The following CD3E variants were observed in gnomAD, a reference collection of about 807,000 sequenced individuals.
The protein encoded by CD3E is T-cell surface glycoprotein CD3 epsilon chain.
CD3E carries 16 observed loss-of-function variants against 34.7 expected under a neutral mutation model. The observed-to-expected ratio is 0.46, with a 90% CI of 0.31 to 0.70. CD3E has a LOEUF of 0.70. Among genes scored for constraint, CD3E ranks in the 30% least tolerant of loss-of-function variants. CD3E has a pLI of 0.05. For missense variants in CD3E, 223 were observed against 253.9 expected, an observed-to-expected ratio of 0.88 and a Z score of 0.83; for synonymous variants, 70 against 90.8, an observed-to-expected ratio of 0.77 and a Z score of 1.30.
chr11:118,314,321 G>T, intron 7 of CD3E, 127 bp from the exon 8 acceptor site: 1 of 775,940 alleles, frequency 1.3e-6, no homozygotes. Context: ...CGTCTGAACA[G>T]AAAAGGGAGC....
chr11:118,305,195 CG>C (rs1276927540), intron 2 of CD3E, among the ~76,000 whole-genome samples, 194 bp downstream of exon 2: 1 of 152,188 alleles, frequency 6.6e-6, no homozygotes, highest in Non-Finnish European at 1.5e-5. Flanking sequence ...GGAGAGCGTT[CG>C]GGGAGCAGGC....
chr11:118,311,879 G>A (rs1418969465), intron 4 of CD3E, among the ~76,000 whole-genome samples: 1 of 152,182 alleles, frequency 6.6e-6, no homozygotes, highest in Non-Finnish European at 1.5e-5. Flanking sequence ...GGCTTTCTGA[G>A]CTTCAGTAGA....
chr11:118,314,874 T>C (rs1948156978), intron 8 of CD3E, among the ~76,000 whole-genome samples: 1 of 151,878 alleles, frequency 6.6e-6, no homozygotes, highest in Non-Finnish European at 1.5e-5. Flanking sequence ...ATATAAATAT[T>C]ATATAAAAGT....
Position 118,307,301 on chromosome 11 carries a change from G to T in CD3E, c.63G>T (p.Gly21=), listed in dbSNP as rs200268620. Residue 21 remains glycine (G), a synonymous_variant, in exon 3 of 9, where the codon GGG becomes GGT. Transcript: ENST00000361763. ...TTTATTTTCTAGTTGGCGTTTGGGG[G>T]CAAGATGGTGAGATATGCTTTCTTT... is the stretch of plus-strand genomic sequence containing the variant. ...GLCLLSVGVW[G]QDGNEEMGGI... is the part of the protein sequence containing the mutation. 2 of 1,606,884 alleles carry T rather than the reference G, an allele frequency of 1.2e-6. No individual in the cohort carries two copies. Among genetic ancestry groups the T allele is most frequent in the Non-Finnish European group, 1.7e-6 (2 of 1,174,890 alleles).
intron 4 of CD3E, among the ~76,000 whole-genome samples, chr11:118,311,602 T>C (rs764149044): frequency 7.9e-5 from 12 of 152,176 alleles, no homozygotes; most frequent in Non-Finnish European, 1.2e-4. Flanking sequence ...TTCTTCTCTA[T>C]TATGAGGGAC....
At chr11:118,312,556 C>T (rs1290227602) in intron 5 of CD3E, 62 bp from the exon 6 acceptor site, 5 of 1,602,392 alleles carry the variant, frequency 3.1e-6, no homozygotes, top group Non-Finnish European at 4.3e-6. Context: ...TCTTTTGTCA[C>T]TAATTTGCCT....
At position 118,304,883 on chromosome 11, in the gene CD3E, T is replaced by C; in HGVS notation, c.-59-11T>C. On this transcript the variant is annotated splice_polypyrimidine_tract_variant and intron_variant, in intron 1 of 8. Coordinates refer to ENST00000361763, the MANE Select transcript of CD3E (RefSeq NM_000733.4). ...GTTTTGAAAAAGTCATCTGTTTTGC[T>C]TTTTTTCCAGAAGTAGTAAGTCTGC... 2.8e-6 allele frequency: 4 copies of C among 1,443,428 alleles called. No individual in the cohort carries two copies. Among genetic ancestry groups the C allele is most frequent in the Non-Finnish European group, 3.9e-6 (4 of 1,024,876 alleles). The allele number at this position is 1,443,428 out of a possible 1,614,324, so 89.4% of individuals were successfully genotyped here.
chr11:118,311,047 T>C (rs988489071), intron 4 of CD3E, among the ~76,000 whole-genome samples: 2 of 152,262 alleles, frequency 1.3e-5, no homozygotes, highest in African/African-American at 4.8e-5. Flanking sequence ...TTCACCTTCA[T>C]AATCCATTTA....
rs767365744 is a variant in CD3E, at chr11:118,313,884, T to C, written c.520+10T>C. 23 of 1,612,206 alleles carry C rather than the reference T, an allele frequency of 1.4e-5. No individual in the cohort carries two copies. The highest frequency in any genetic ancestry group is 1.9e-5 in the Non-Finnish European group (22 of 1,179,874). The stretch of plus-strand genomic sequence containing the variant: ...GGCGGCAGGCAAAGGGGTAAGGCTG[T>C]GGAGTCCAGTCAGAGGAGATTCCTG... On this transcript the variant is annotated intron_variant, in intron 7 of 8. Transcript: ENST00000361763.
intron 8 of CD3E, among the ~76,000 whole-genome samples, 181 bp from the exon 9 acceptor site, chr11:118,315,305 C>T (rs1565512035): frequency 6.6e-6 from 1 of 152,112 alleles, no homozygotes; most frequent in Non-Finnish European, 1.5e-5. Context: ...AAAGCTGAGG[C>T]TCACGGAAGG....
At position 118,314,956 on chromosome 11, in the gene CD3E, CACAT is replaced by C. The variant is rs1249594372; in HGVS notation, c.567+466_567+469del. Among the ~76,000 whole-genome samples, 5 of 97,792 alleles carry C rather than the reference CACAT, an allele frequency of 5.1e-5. No homozygotes were observed. The Admixed American group carries it at 5.6e-4, about 11-fold the overall frequency. The allele number at this position is 97,792 out of a possible 152,430, so 64.2% of individuals were successfully genotyped here. ...TCACCCCAACCCACCCTTACACACACACATACACACACACACACACACACACACA... is the reference window on the plus strand; with the variant it reads ...TCACCCCAACCCACCCTTACACACACACACACACACACACACACACACACA... On this transcript the variant is annotated intron_variant, in intron 8 of 8. Transcript: ENST00000361763.
intron 4 of CD3E, among the ~76,000 whole-genome samples, chr11:118,308,964 G>T (rs1948121779): frequency 6.6e-6 from 1 of 152,328 alleles, no homozygotes; most frequent in South Asian, 2.1e-4. Flanking sequence ...GTGTCGTTGG[G>T]AAAGGTTCCC....
intron 4 of CD3E, among the ~76,000 whole-genome samples, chr11:118,310,065 A>G (rs565008756): frequency 3.7e-4 from 57 of 152,388 alleles, no homozygotes; most frequent in African/African-American, 1.4e-3. Flanking sequence ...TTTCTCAACC[A>G]TTATGAAATA....
In CD3E at chr11:118,313,880, G is replaced by A; in HGVS notation, c.520+6G>A. On this transcript the variant is annotated splice_donor_region_variant and intron_variant, in intron 7 of 8. Transcript: ENST00000361763. ...TGCTGGCGGCAGGCAAAGGGGTAAG[G>A]CTGTGGAGTCCAGTCAGAGGAGATT... 1.2e-6 allele frequency: 2 copies of A among 1,612,570 alleles called. No homozygotes were observed. The highest frequency in any genetic ancestry group is 8.5e-7 in the Non-Finnish European group (1 of 1,179,908).
rs1393409397 is a variant in CD3E at position 118,313,877 on chromosome 11, A to G, written c.520+3A>G. ...GGGTGCTGGCGGCAGGCAAAGGGGT[A>G]AGGCTGTGGAGTCCAGTCAGAGGAG... is the stretch of plus-strand genomic sequence containing the variant. On this transcript the variant is annotated splice_donor_region_variant and intron_variant, in intron 7 of 8. Transcript: ENST00000361763. 2.5e-6 allele frequency: 4 copies of G among 1,612,538 alleles called. No homozygotes were observed. The highest frequency in any genetic ancestry group is 3.4e-6 in the Non-Finnish European group (4 of 1,179,910).
At chr11:118,309,480 G>A (rs1948124526) in intron 4 of CD3E, among the ~76,000 whole-genome samples, 1 of 152,192 alleles carries the variant, frequency 6.6e-6, no homozygotes, top group Non-Finnish European at 1.5e-5. Context: ...GGAGGCTGAG[G>A]TAGGAGAATT....
chr11:118,308,270 T>C (rs1289522066), intron 3 of CD3E, among the ~76,000 whole-genome samples, 157 bp from the exon 4 acceptor site: 1 of 152,210 alleles, frequency 6.6e-6, no homozygotes, highest in African/African-American at 2.4e-5. Context: ...TCAGATAAGA[T>C]GTAAGGCCCA....
intron 2 of CD3E, among the ~76,000 whole-genome samples, chr11:118,306,319 A>G (rs1287208173): frequency 6.6e-6 from 1 of 152,004 alleles, no homozygotes; most frequent in Non-Finnish European, 1.5e-5. Flanking sequence ...AAAGTAGTGA[A>G]ACCCCATTTC....
In CD3E at chr11:118,316,067, C is replaced by G. The variant is rs1948165240; in HGVS notation, c.*525C>G. Reference sequence around the variant, plus strand: ...CTACCAACCCCCTAATCCCCTACTCCCTCCACCCCCCCTCCACTGTAGGCC... The same window carrying G: ...CTACCAACCCCCTAATCCCCTACTCGCTCCACCCCCCCTCCACTGTAGGCC... On this transcript the variant is annotated 3_prime_UTR_variant, in exon 9 of 9. Transcript: ENST00000361763. 6.0e-6 allele frequency: 1 copy of G among 167,920 alleles called. No individual in the cohort carries two copies. The highest frequency in any genetic ancestry group is 1.3e-5 in the Non-Finnish European group (1 of 77,700). 10.4% of individuals were successfully genotyped at this position (167,920 alleles called of 1,614,324 possible).
Sources: allele counts gnomAD v4.1 joint callset (sites outside exome capture counted in the v4.1 genomes callset), GRCh38; gene constraint gnomAD v4.1.1; transcripts MANE v1.5; gene names NCBI Gene and HGNC (gene_info 2026-07-23, HGNC 2026-07-21).